ESPNL: variants seen among roughly 807,000 people sequenced by gnomAD.
ESPNL encodes the protein espin-like protein.
In ESPNL, 49 loss-of-function variants were observed where a neutral mutation model predicts 46.8. The observed-to-expected ratio is 1.05, with a 90% CI of 0.83 to 1.33. ESPNL has a LOEUF of 1.33. Among genes scored for constraint, ESPNL ranks in the 40% most tolerant of loss-of-function variants. The pLI is 0.00. For missense variants in ESPNL, 1,540 were observed against 1,436.6 expected, an observed-to-expected ratio of 1.07 and a Z score of -1.16; for synonymous variants, 664 against 662.1, an observed-to-expected ratio of 1.00 and a Z score of -0.04.
At chr2:238,112,120 A>G (rs1473746586) in intron 4 of ESPNL, among the ~76,000 whole-genome samples, 1 of 152,084 alleles carries the variant, frequency 6.6e-6, no homozygotes, top group Non-Finnish European at 1.5e-5. Flanking sequence ...TCACTCGTGA[A>G]ATCCTCTGGA....
Position 238,116,897 on chromosome 2 carries a change from C to G in ESPNL, c.856-6C>G. ...GTGGGTCACATGTGTGCCCTCCTCA[C>G]TGCAGTGCTGCCAGACCCTAGTCTC... On this transcript the variant is annotated splice_region_variant and splice_polypyrimidine_tract_variant and intron_variant, in intron 4 of 8. Coordinates refer to ENST00000343063, the MANE Select transcript of ESPNL (RefSeq NM_194312.4). 1 of 1,612,198 alleles carries G rather than the reference C, an allele frequency of 6.2e-7. No individual in the cohort carries two copies. The highest frequency in any genetic ancestry group is 8.5e-7 in the Non-Finnish European group (1 of 1,179,554).
Position 238,102,058 on chromosome 2 carries a change from G to A in ESPNL, c.412G>A (p.Ala138Thr), listed in dbSNP as rs1371772676. The A allele has an allele frequency of 1.9e-6, 3 of 1,594,304 alleles. No homozygotes were observed. The highest frequency in any genetic ancestry group is 1.7e-5 in the Admixed American group (1 of 57,974). ...GGCCACGCTAGAGACCCGGGAGGGAGCCCGGCCGCTGCACCACGCTGCCGT... is the reference window on the plus strand; with the variant it reads ...GGCCACGCTAGAGACCCGGGAGGGAACCCGGCCGCTGCACCACGCTGCCGT... ...HSATLETREG[A>T]RPLHHAAVSG... The change falls in exon 2 of 9, where the codon GCC becomes ACC. Residue 138 changes from alanine to threonine, a missense_variant. By Grantham distance (58) the Ala-to-Thr change is moderately conservative (BLOSUM62 0). Coordinates refer to ENST00000343063, the MANE Select transcript of ESPNL (RefSeq NM_194312.4).
At chr2:238,112,925 A>G (rs995529721) in intron 4 of ESPNL, among the ~76,000 whole-genome samples, 1 of 152,170 alleles carries the variant, frequency 6.6e-6, no homozygotes, top group Non-Finnish European at 1.5e-5. Flanking sequence ...TCAACGTTGC[A>G]TATGTTCTTG....
chr2:238,113,721 G>A (rs1691758091), intron 4 of ESPNL, among the ~76,000 whole-genome samples: 1 of 152,166 alleles, frequency 6.6e-6, no homozygotes, highest in Non-Finnish European at 1.5e-5. Flanking sequence ...GCTGGCGTCT[G>A]GCTTCCATTT....
At position 238,100,386 on chromosome 2, in the gene ESPNL, T is replaced by C; in HGVS notation, c.-34T>C. 1 of 1,557,084 alleles carries C rather than the reference T, an allele frequency of 6.4e-7. No individual in the cohort carries two copies. Among genetic ancestry groups the C allele is most frequent in the South Asian group, 1.2e-5 (1 of 84,846 alleles). ...GTCTGAAACAGGAAGCCCCAGCCTG[T>C]GCATGAGTCGCCACTGAGAGCCCGG... On this transcript the variant is annotated 5_prime_UTR_variant, in exon 1 of 9. Transcript: ENST00000343063.
chr2:238,131,559 G>A lies in ESPNL; in HGVS notation c.2845G>A (p.Gly949Arg), dbSNP rs757439212. The A allele has an allele frequency of 9.6e-5, 155 of 1,610,878 alleles. No homozygotes were observed. Among genetic ancestry groups the A allele is most frequent in the Middle Eastern group, 4.9e-4 (3 of 6,080 alleles). ...CCGCAAGTCAGGTCTGACCCTGCTC[G>A]GGCCCCTGCCTCACGCCGCCGTCCC... ...PGRKSGLTLL[G>R]PLPHAAVPCS... Residue 949 changes from glycine to arginine, a missense_variant, in exon 9 of 9, where the codon GGG (glycine) becomes AGG (arginine). By Grantham distance (125) the Gly-to-Arg change is moderately radical. Coordinates refer to ENST00000343063, the MANE Select transcript of ESPNL (RefSeq NM_194312.4).
intron 6 of ESPNL, among the ~76,000 whole-genome samples, chr2:238,126,585 G>A (rs894742736): frequency 3.1e-4 from 41 of 130,174 alleles, no homozygotes; most frequent in Admixed American, 3.0e-3. Context: ...GTCTGTGATT[G>A]TGTCTGTGTG....
In ESPNL at chr2:238,103,479, G is replaced by A. The variant is rs539482879; in HGVS notation, c.486-1177G>A. On this transcript the variant is annotated intron_variant, in intron 2 of 8. Coordinates refer to ENST00000343063, the MANE Select transcript of ESPNL (RefSeq NM_194312.4). ...TTCATGTTAATATGCACACACACACGCACACACGCACACACAAATGGGAAG... is the reference window on the plus strand; with the variant it reads ...TTCATGTTAATATGCACACACACACACACACACGCACACACAAATGGGAAG... 1.6e-4 allele frequency among the ~76,000 whole-genome samples: 25 copies of A among 151,972 alleles called. 1 individual carries two copies. In the South Asian group the frequency reaches 4.2e-3, roughly 25 times the overall value.
rs758833202 is a variant in ESPNL, at chr2:238,100,582, T to A, written c.163T>A (p.Leu55Met). 1 of 1,566,138 alleles carries A rather than the reference T, an allele frequency of 6.4e-7. No homozygotes were observed. Among genetic ancestry groups the A allele is most frequent in the Non-Finnish European group, 8.6e-7 (1 of 1,158,358 alleles). ...TGGCCACCTGGACTGCGTCAAGTTCTTGGTGCAGCGGGCCCAGCTGCCCGG... is the reference window on the plus strand; with the variant it reads ...TGGCCACCTGGACTGCGTCAAGTTCATGGTGCAGCGGGCCCAGCTGCCCGG... ...RAGHLDCVKFLVQRAQLPGNQ... is the reference protein window; with the variant it reads ...RAGHLDCVKFMVQRAQLPGNQ... Residue 55 changes from leucine to methionine, a missense_variant, in exon 1 of 9, where the codon TTG becomes ATG. Leu to Met is a conservative substitution (Grantham distance 15, BLOSUM62 2). Coordinates refer to ENST00000343063, the MANE Select transcript of ESPNL (RefSeq NM_194312.4).
At position 238,131,442 on chromosome 2, in the gene ESPNL, G is replaced by A. The variant is rs751192509; in HGVS notation, c.2728G>A (p.Ala910Thr). The A allele has an allele frequency of 1.7e-5, 27 of 1,608,936 alleles. No individual in the cohort carries two copies. The highest frequency in any genetic ancestry group is 4.4e-5 in the South Asian group (4 of 90,828). ...CAAGGCCGTGACCGACGAGGTGGCC[G>A]CCGGCCGCCGGGCCTGGACCGACGG... ...FHKAVTDEVA[A>T]GRRAWTDGFE... The change falls in exon 9 of 9, where the codon GCC (alanine) becomes ACC (threonine). Residue 910 changes from alanine to threonine, a missense_variant. Ala to Thr is a moderately conservative substitution (Grantham distance 58). Coordinates refer to ENST00000343063, the MANE Select transcript of ESPNL (RefSeq NM_194312.4).
In ESPNL at chr2:238,114,267, C is replaced by T. The variant is rs2106469008; in HGVS notation, c.856-2636C>T. Among the ~76,000 whole-genome samples the T allele has an allele frequency of 1.3e-5, 2 of 152,268 alleles. No individual in the cohort carries two copies. The highest frequency in any genetic ancestry group is 4.1e-4 in the South Asian group (2 of 4,828). On this transcript the variant is annotated intron_variant, in intron 4 of 8. Transcript: ENST00000343063. This position sits in a 1 kb window ranked among gnomAD's most constrained non-coding sequence, Gnocchi z 5.0. The stretch of plus-strand genomic sequence containing the variant: ...GCTCTGTTCCTATCAGGGCTTTGCC[C>T]TCTCTCCCCAGCACCATTTGGGGCC...
At position 238,100,471 on chromosome 2, in the gene ESPNL, T is replaced by G; in HGVS notation, c.52T>G (p.Leu18Val). 2 of 1,604,762 alleles carry G rather than the reference T, an allele frequency of 1.2e-6. No homozygotes were observed. The highest frequency in any genetic ancestry group is 8.5e-7 in the Non-Finnish European group (1 of 1,177,706). ...VAAKDGDVAT[L>V]ERLLEAGALG... ...CGCCAAGGATGGGGATGTGGCGACG[T>G]TGGAGCGGCTGCTGGAGGCTGGCGC... is the stretch of plus-strand genomic sequence containing the variant. Residue 18 changes from leucine to valine, a missense_variant, in exon 1 of 9, where the codon TTG (leucine) becomes GTG (valine). By Grantham distance (32) the Leu-to-Val change is conservative (BLOSUM62 1). Transcript: ENST00000343063.
rs145431812 is a variant in ESPNL at position 238,129,487 on chromosome 2, G to A, written c.1413+583G>A. On this transcript the variant is annotated intron_variant, in intron 8 of 8. Coordinates refer to ENST00000343063, the MANE Select transcript of ESPNL (RefSeq NM_194312.4). ...GGAGGCGCCCTGGCATGGAGTGGGC[G>A]CCTGAGGTTGGAGAGGAACCTGGCT... Among the ~76,000 whole-genome samples the A allele has an allele frequency of 2.5e-4, 38 of 152,242 alleles. No individual in the cohort carries two copies. In the East Asian group the frequency reaches 6.0e-3, roughly 24 times the overall value.
intron 5 of ESPNL, among the ~76,000 whole-genome samples, chr2:238,119,148 A>AGGAGG (rs1691912628): frequency 5.3e-3 from 3 of 562 alleles, no homozygotes; most frequent in Non-Finnish European, 8.2e-3. Flanking sequence ...TGGAGGAGGA[A>AGGAGG]TGGATGGAGG....
At position 238,125,303 on chromosome 2, in the gene ESPNL, T is replaced by C; in HGVS notation, c.1021T>C (p.Phe341Leu). The C allele has an allele frequency of 1.3e-6, 2 of 1,558,982 alleles. No homozygotes were observed. The highest frequency in any genetic ancestry group is 8.7e-7 in the Non-Finnish European group (1 of 1,152,524). The part of the protein sequence containing the change: ...PLLMTPPPPP[F>L]PPPPLLATRR... ...GCTGATGACGCCCCCACCACCACCG[T>C]TCCCCCCACCTCCACTGTTGGCCAC... Residue 341 changes from phenylalanine (F) to leucine (L), a missense_variant, in exon 6 of 9, where the codon TTC (phenylalanine) becomes CTC (leucine). Transcript: ENST00000343063.
At chr2:238,117,873 G>A (rs1334633945) in intron 5 of ESPNL, among the ~76,000 whole-genome samples, 1 of 152,172 alleles carries the variant, frequency 6.6e-6, no homozygotes, top group Admixed American at 6.5e-5. Flanking sequence ...GATACATGGA[G>A]GGGGGAGAGC....
intron 3 of ESPNL, among the ~76,000 whole-genome samples, chr2:238,105,597 C>A (rs1691579278): frequency 6.6e-6 from 1 of 151,580 alleles, no homozygotes; most frequent in Non-Finnish European, 1.5e-5. Context: ...CAGGAGGCGG[C>A]CGGACAAGGA....
rs78763197 is a variant in ESPNL, at chr2:238,131,960, G to A, written c.*228G>A. On this transcript the variant is annotated 3_prime_UTR_variant, in exon 9 of 9. Coordinates refer to ENST00000343063, the MANE Select transcript of ESPNL (RefSeq NM_194312.4). ...CCCAGGAAGCCCCTTGGCAGGTCCT[G>A]AAGTGAGGCAATGGGCCACCCCAGT... The A allele has an allele frequency of 5.3e-3, 2,766 of 522,652 alleles. 50 individuals carry two copies. The highest frequency in any genetic ancestry group is 0.048 in the African/African-American group (2,512 of 51,928). 32.4% of individuals were successfully genotyped at this position (522,652 alleles called of 1,614,324 possible). A position where few individuals can be genotyped will look rare whatever the true frequency, so the allele number is the denominator to read the frequency against.
At chr2:238,121,787 T>G (rs1691992943) in intron 5 of ESPNL, among the ~76,000 whole-genome samples, 2 of 152,224 alleles carry the variant, frequency 1.3e-5, no homozygotes, top group African/African-American at 4.8e-5. Flanking sequence ...GTGTACTCCC[T>G]CCCCTTTGGT....
Sources: allele counts gnomAD v4.1 joint callset (sites outside exome capture counted in the v4.1 genomes callset), GRCh38; gene constraint gnomAD v4.1.1; non-coding constraint Gnocchi (gnomAD v3.1); transcripts MANE v1.5; gene names NCBI Gene and HGNC (gene_info 2026-07-23, HGNC 2026-07-21).